CRPPA: variants seen among roughly 807,000 people sequenced by gnomAD.
The protein encoded by CRPPA is D-ribitol-5-phosphate cytidylyltransferase.
A neutral mutation model predicts 52.0 loss-of-function variants in CRPPA; 43 were observed. The ratio of observed to expected loss-of-function variants is 0.83; its 90% CI spans 0.65 to 1.07. The LOEUF (loss-of-function observed/expected upper bound fraction) is 1.07. CRPPA is among the 50% of genes least tolerant of loss of function. CRPPA has a pLI of 0.00. For synonymous variants in CRPPA, 250 were observed against 203.5 expected, an observed-to-expected ratio of 1.23 and a Z score of -1.94; for missense variants, 629 against 551.7, an observed-to-expected ratio of 1.14 and a Z score of -1.40.
At chr7:16,255,436 A>C (rs1470972497) in intron 8 of CRPPA, among the ~76,000 whole-genome samples, 1 of 152,152 alleles carries the variant, frequency 6.6e-6, no homozygotes, top group Non-Finnish European at 1.5e-5. Flanking sequence ...AATTGGAAAA[A>C]ACTACTTTAA....
intron 5 of CRPPA, among the ~76,000 whole-genome samples, chr7:16,288,741 G>A (rs1424219667): frequency 4.0e-5 from 6 of 151,230 alleles, no homozygotes; most frequent in African/African-American, 1.5e-4. Flanking sequence ...CAGCTACTCA[G>A]GAGGCTGAGG....
intron 2 of CRPPA, among the ~76,000 whole-genome samples, chr7:16,403,113 T>C (rs1184863850): frequency 1.3e-5 from 2 of 152,074 alleles, no homozygotes; most frequent in Admixed American, 6.5e-5. Context: ...GACAGTGACA[T>C]AACCTAATTT....
chr7:16,399,226 C>T (rs1043225459), intron 2 of CRPPA, among the ~76,000 whole-genome samples: 7 of 152,316 alleles, frequency 4.6e-5, no homozygotes, highest in South Asian at 4.1e-4. Flanking sequence ...ACACTAGACA[C>T]GTGATTGACA....
intron 9 of CRPPA, among the ~76,000 whole-genome samples, chr7:16,186,521 G>A (rs1778844179): frequency 6.6e-6 from 1 of 152,106 alleles, no homozygotes; most frequent in African/African-American, 2.4e-5. Context: ...CTAATCTATG[G>A]AAATTTGTTA....
intron 6 of CRPPA, among the ~76,000 whole-genome samples, chr7:16,275,650 A>G (rs1487608327): frequency 6.6e-6 from 1 of 151,992 alleles, no homozygotes; most frequent in African/African-American, 2.4e-5. Context: ...CAACATGTGG[A>G]GACTCCTGTC....
chr7:16,416,654 G>A (rs1045278496), intron 1 of CRPPA, among the ~76,000 whole-genome samples: 3 of 150,728 alleles, frequency 2.0e-5, no homozygotes, highest in African/African-American at 4.9e-5. Flanking sequence ...GCCCAACATG[G>A]CAAAACCCCA....
chr7:16,130,469 A>G lies in CRPPA; in HGVS notation c.1252-38670T>C, dbSNP rs59037948. On this transcript the variant is annotated intron_variant, in intron 9 of 9. Transcript: ENST00000407010. ...TATTTAATTCTTAAAACAGAATTAA[A>G]CAATAAAAGGAAAAATTTCATTCCT... Among the ~76,000 whole-genome samples, 879 of 152,290 alleles carry G rather than the reference A, an allele frequency of 5.8e-3. 10 individuals are homozygous for G. Among genetic ancestry groups the G allele is most frequent in the African/African-American group, 0.02 (842 of 41,548 alleles).
At chr7:16,378,728 C>T (rs1275488110) in intron 2 of CRPPA, among the ~76,000 whole-genome samples, 1 of 151,058 alleles carries the variant, frequency 6.6e-6, no homozygotes, top group Admixed American at 6.6e-5. Context: ...GTCCCACCAA[C>T]AGTGTAAAAG....
intron 8 of CRPPA, among the ~76,000 whole-genome samples, chr7:16,221,224 G>A (rs1384310655): frequency 6.6e-6 from 1 of 152,168 alleles, no homozygotes; most frequent in Non-Finnish European, 1.5e-5. Context: ...AATGGGGCTG[G>A]GAAAACTGGC....
In CRPPA at chr7:16,385,249, A is replaced by C. The variant is rs189695906; in HGVS notation, c.535-9008T>G. On this transcript the variant is annotated intron_variant, in intron 2 of 9. Coordinates refer to ENST00000407010, the MANE Select transcript of CRPPA (RefSeq NM_001101426.4). ...AGAAAGAAGCAGAAAAAAAAAATTC[A>C]AGGAAATGACTGGTAACCTCACAAA... 2.9e-3 allele frequency among the ~76,000 whole-genome samples: 440 copies of C among 152,284 alleles called. 4 individuals carry two copies. The highest frequency in any genetic ancestry group is 0.01 in the African/African-American group (416 of 41,574).
At chr7:16,391,488 G>C (rs1298923206) in intron 2 of CRPPA, among the ~76,000 whole-genome samples, 2 of 152,124 alleles carry the variant, frequency 1.3e-5, no homozygotes, top group African/African-American at 4.8e-5. Context: ...GAACAAACCT[G>C]TTCATGATGA....
At chr7:16,097,132 T>C (rs1781951597) in intron 9 of CRPPA, among the ~76,000 whole-genome samples, 1 of 152,102 alleles carries the variant, frequency 6.6e-6, no homozygotes, top group Admixed American at 6.6e-5. Flanking sequence ...AAAGAAAACC[T>C]TTTTTGCTTG....
intron 1 of CRPPA, 28 bp downstream of exon 1, chr7:16,421,038 C>T (rs1788320242): frequency 7.9e-7 from 1 of 1,264,320 alleles, no homozygotes; most frequent in Non-Finnish European, 1.0e-6. Flanking sequence ...CCCCAGGGAA[C>T]CGCGGGGCGC....
chr7:16,398,575 G>A (rs1451929990), intron 2 of CRPPA, among the ~76,000 whole-genome samples: 5 of 152,108 alleles, frequency 3.3e-5, no homozygotes, highest in Admixed American at 6.5e-5. Context: ...TGATCGACAC[G>A]TGTGGCACGT....
intron 8 of CRPPA, among the ~76,000 whole-genome samples, chr7:16,247,398 G>A (rs558015887): frequency 1.8e-4 from 28 of 152,228 alleles, no homozygotes; most frequent in African/African-American, 6.5e-4. Flanking sequence ...AGGGAATAGG[G>A]AATCTCAAAG....
chr7:16,302,319 A>AAC (rs1342230495), intron 4 of CRPPA, among the ~76,000 whole-genome samples: 1 of 151,282 alleles, frequency 6.6e-6, no homozygotes, highest in Admixed American at 6.6e-5. Context: ...AAAAAAAAAA[A>AAC]AATGCAACCT....
chr7:16,145,679 A>G (rs2128377268), intron 9 of CRPPA, among the ~76,000 whole-genome samples: 1 of 152,150 alleles, frequency 6.6e-6, no homozygotes, highest in African/African-American at 2.4e-5. Flanking sequence ...TGAAGAATAT[A>G]ATCCCTGAAA....
chr7:16,154,745 AT>A (rs1033019297), intron 9 of CRPPA, among the ~76,000 whole-genome samples: 11 of 151,464 alleles, frequency 7.3e-5, no homozygotes, highest in African/African-American at 2.7e-4. Context: ...AATACTATTA[AT>A]TTTATTTTAC....
intron 9 of CRPPA, among the ~76,000 whole-genome samples, chr7:16,117,470 G>C (rs1562512438): frequency 6.6e-6 from 1 of 152,142 alleles, no homozygotes; most frequent in Admixed American, 6.5e-5. Flanking sequence ...TCTAGACCTT[G>C]GCCAGGCCAT....
Sources: gnomAD v4.1 joint callset for allele counts (sites outside exome capture counted in the v4.1 genomes callset) on GRCh38, gnomAD v4.1.1 for gene constraint, MANE v1.5 for transcripts, NCBI Gene and HGNC (gene_info 2026-07-23, HGNC 2026-07-21) for gene names.